RASAL1: variants seen among roughly 807,000 people sequenced by gnomAD.
RASAL1 encodes RAS protein activator like 1, also known as rasGAP-activating-like protein 1.
Under a neutral mutation model 96.6 loss-of-function variants are expected in RASAL1, and 72 were observed. The observed-to-expected ratio is 0.75, with a 90% CI of 0.62 to 0.91. The LOEUF is 0.91. Among genes scored for constraint, RASAL1 ranks in the 40% least tolerant of loss-of-function variants. The probability of loss-of-function intolerance (pLI) is 0.00; values close to 1 mark genes in which losing one functional copy is unlikely to be tolerated. For synonymous variants in RASAL1, 405 were observed against 430.4 expected (o/e 0.94, Z 0.73); for missense variants, 1,016 against 1,072.5 (o/e 0.95, Z 0.74).
At chr12:113,100,947 C>T (rs1950423142) in intron 19 of RASAL1, among the ~76,000 whole-genome samples, 1 of 152,194 alleles carries the variant, frequency 6.6e-6, no homozygotes, top group Non-Finnish European at 1.5e-5. Context: ...ATCACTGAGA[C>T]ACAGAGAGGT....
chr12:113,134,907 A>T (rs556714427), intron 1 of RASAL1, among the ~76,000 whole-genome samples: 34 of 139,604 alleles, frequency 2.4e-4, no homozygotes, highest in African/African-American at 4.5e-4. Context: ...ACCTGGTGAC[A>T]CTCTGCAAAC....
In RASAL1 at chr12:113,101,968, C is replaced by T. The variant is rs770259667; in HGVS notation, c.2146G>A (p.Asp716Asn). Reference protein sequence around the residue: ...SRTHSAVTLGDWSDPLDPDAE... With the variant: ...SRTHSAVTLGNWSDPLDPDAE... ...TCAGGATCCAGTGGGTCACTCCAGT[C>T]CCCCAGGGTGACAGCTGAGTGTGTA... Residue 716 changes from aspartate (D) to asparagine (N), a missense_variant, in exon 19 of 21, where the codon GAC (aspartate) becomes AAC (asparagine). Transcript: ENST00000548055. 1 of 1,614,120 alleles carries T rather than the reference C, an allele frequency of 6.2e-7. No homozygotes were observed. The highest frequency in any genetic ancestry group is 8.5e-7 in the Non-Finnish European group (1 of 1,180,010).
intron 5 of RASAL1, among the ~76,000 whole-genome samples, chr12:113,119,901 C>T (rs1182200706): frequency 6.6e-6 from 1 of 152,180 alleles, no homozygotes; most frequent in East Asian, 1.9e-4. Context: ...ACAGACCAAC[C>T]TCATAGAGCC....
At chr12:113,117,211 C>T (rs1011265900) in intron 7 of RASAL1, 50 bp from the exon 8 acceptor site, 1 of 1,412,126 alleles carries the variant, frequency 7.1e-7, no homozygotes, top group Non-Finnish European at 9.8e-7. Context: ...CCTGCCCTGC[C>T]CTGCCTGGCT....
In RASAL1 at chr12:113,104,153, G is replaced by A; in HGVS notation, c.1968+8C>T. The A allele has an allele frequency of 1.2e-6, 2 of 1,603,026 alleles. No homozygotes were observed. Among genetic ancestry groups the A allele is most frequent in the Non-Finnish European group, 1.7e-6 (2 of 1,171,780 alleles). ...CGCCCCCCGCTCCCCATCGCGGTGG[G>A]GTCTCACCTTGCACTGGAGGTAGGT... On this transcript the variant is annotated splice_region_variant and intron_variant, in intron 17 of 20. Transcript: ENST00000548055.
chr12:113,110,796 A>C (rs1270385755), intron 13 of RASAL1, among the ~76,000 whole-genome samples: 2 of 152,168 alleles, frequency 1.3e-5, no homozygotes, highest in African/African-American at 4.8e-5. Context: ...GCACCCCTCT[A>C]GTCCCAGCAA....
Position 113,107,160 on chromosome 12 carries a change from G to A in RASAL1, c.1594C>T (p.Leu532=). The A allele has an allele frequency of 6.2e-7, 1 of 1,613,876 alleles. No individual in the cohort carries two copies. Among genetic ancestry groups the A allele is most frequent in the Non-Finnish European group, 8.5e-7 (1 of 1,179,842 alleles). Residue 532 remains leucine, a synonymous_variant, in exon 15 of 21, where the codon CTG becomes TTG. Transcript: ENST00000548055. ...LWMAPLHPFL[L]QCVSRVRDFL... ...TCTCTCACACGTGAGACACACTGCA[G>A]CAGGAAGGGGTGCAGGGGGGCCATC...
intron 15 of RASAL1, 135 bp from the exon 16 acceptor site, chr12:113,106,021 G>A (rs934888965): frequency 1.3e-5 from 12 of 944,674 alleles, no homozygotes; most frequent in South Asian, 3.3e-5. Context: ...GAGGATGAGC[G>A]CGATGACTTC....
Position 113,117,028 on chromosome 12 carries a change from C to T in RASAL1, c.731+45G>A, listed in dbSNP as rs116592947. 4,065 of 1,452,670 alleles carry T rather than the reference C, an allele frequency of 2.8e-3. 77 individuals are homozygous for T. The African/African-American group carries it at 0.048, about 17-fold the overall frequency. The allele number at this position is 1,452,670 out of a possible 1,614,324, so 90.0% of individuals were successfully genotyped here. The stretch of plus-strand genomic sequence containing the variant: ...CTGCCCGCAAGCTGTGGATGCTGCC[C>T]GGCATGGCTCCAGCCTGGCCCCCTC... On this transcript the variant is annotated intron_variant, in intron 8 of 20. Coordinates refer to ENST00000548055, the MANE Select transcript of RASAL1 (RefSeq NM_001301202.2).
intron 1 of RASAL1, among the ~76,000 whole-genome samples, chr12:113,134,509 C>T (rs1276159308): frequency 6.6e-6 from 1 of 152,212 alleles, no homozygotes; most frequent in East Asian, 1.9e-4. Flanking sequence ...CGGTCCAGAG[C>T]TCTCATTGCC....
intron 12 of RASAL1, among the ~76,000 whole-genome samples, chr12:113,113,231 C>T (rs965453518): frequency 1.2e-4 from 19 of 152,192 alleles, no homozygotes; most frequent in African/African-American, 3.6e-4. Flanking sequence ...CTGGACCCAA[C>T]GTGCTGAGCC....
Position 113,112,113 on chromosome 12 carries a change from C to A in RASAL1, c.1347G>T (p.Glu449Asp). The change falls in exon 13 of 21, where the codon GAG (glutamate) becomes GAT (aspartate). Residue 449 changes from glutamate to aspartate, a missense_variant. By Grantham distance (45) the Glu-to-Asp change is conservative. Transcript: ENST00000548055. ...LAFKQLHRRV[E>D]ERFPQAEHQD... is the part of the protein sequence containing the mutation. ...GGTGCTCGGCCTGGGGGAAGCGCTC[C>A]TCCACTCGCCGGTGCAGCTGCTTGA... 8.0e-7 allele frequency: 1 copy of A among 1,246,178 alleles called. No individual in the cohort carries two copies. The highest frequency in any genetic ancestry group is 1.0e-6 in the Non-Finnish European group (1 of 990,292). The allele number at this position is 1,246,178 out of a possible 1,614,324, so 77.2% of individuals were successfully genotyped here. A position where few individuals can be genotyped will look rare whatever the true frequency, so the allele number is the denominator to read the frequency against.
In RASAL1 at chr12:113,135,500, C is replaced by T; in HGVS notation, c.-38G>A. The T allele has an allele frequency of 6.4e-7, 1 of 1,560,184 alleles. No individual in the cohort carries two copies. Among genetic ancestry groups the T allele is most frequent in the Non-Finnish European group, 8.7e-7 (1 of 1,147,792 alleles). On this transcript the variant is annotated 5_prime_UTR_variant, in exon 1 of 21. Transcript: ENST00000548055. The surrounding 1 kb of genome is among the most constrained non-coding windows in gnomAD (Gnocchi z 5.7). Reference sequence around the variant, plus strand: ...CAAACTTTCCAGGCAGAAGGGCGCTCAGGTTCCGAGGCTGGACCAGGGGAC... The same window carrying T: ...CAAACTTTCCAGGCAGAAGGGCGCTTAGGTTCCGAGGCTGGACCAGGGGAC...
In RASAL1 at chr12:113,100,009, G is replaced by C; in HGVS notation, c.2338C>G (p.Leu780Val). ...RAATARLLEV[L>V]ADLDRAHEEF... is the part of the protein sequence containing the mutation. ...TCGTGGGCACGATCCAGGTCTGCGA[G>C]CACCTCCAGCAGGCGGGCAGTTGCT... The change falls in exon 21 of 21, where the codon CTC becomes GTC. Residue 780 changes from leucine to valine, a missense_variant. Transcript: ENST00000548055. The C allele has an allele frequency of 6.2e-7, 1 of 1,613,704 alleles. No individual in the cohort carries two copies. Among genetic ancestry groups the C allele is most frequent in the Non-Finnish European group, 8.5e-7 (1 of 1,179,702 alleles).
At chr12:113,109,943 G>T (rs1208488876) in intron 13 of RASAL1, among the ~76,000 whole-genome samples, 2 of 152,190 alleles carry the variant, frequency 1.3e-5, no homozygotes, top group Non-Finnish European at 2.9e-5. Context: ...GGCTTCCCTG[G>T]GTTCCCCGGG....
intron 18 of RASAL1, among the ~76,000 whole-genome samples, chr12:113,103,594 A>C (rs1950538339): frequency 6.6e-6 from 1 of 151,302 alleles, no homozygotes; most frequent in African/African-American, 2.4e-5. Flanking sequence ...CAATAGAGTG[A>C]GACTCTGTCT....
At position 113,107,254 on chromosome 12, in the gene RASAL1, A is replaced by C; in HGVS notation, c.1513-13T>G. ...TGCTCTGCACAGCCTGGAGCAAAGA[A>C]GCGAGGGATGCCGGGGCCAAGGTCA... On this transcript the variant is annotated splice_polypyrimidine_tract_variant and intron_variant, in intron 14 of 20. Transcript: ENST00000548055. 6.3e-7 allele frequency: 1 copy of C among 1,581,624 alleles called. No individual in the cohort carries two copies. Among genetic ancestry groups the C allele is most frequent in the Non-Finnish European group, 8.6e-7 (1 of 1,162,626 alleles).
chr12:113,122,469 G>A (rs1481229183), intron 4 of RASAL1, among the ~76,000 whole-genome samples: 1 of 152,108 alleles, frequency 6.6e-6, no homozygotes, highest in Non-Finnish European at 1.5e-5. Flanking sequence ...GACTACAGAT[G>A]TATACCACCA....
chr12:113,115,796 G>T lies in RASAL1; in HGVS notation c.850-8C>A, dbSNP rs1418214841. 1 of 1,613,856 alleles carries T rather than the reference G, an allele frequency of 6.2e-7. No homozygotes were observed. ...GGGGCTAGCAGTGTCCTCCTGGGTG[G>T]GGGCGGGAGACAAAGATGACCTCGG... On this transcript the variant is annotated splice_polypyrimidine_tract_variant and splice_region_variant and intron_variant, in intron 9 of 20. Transcript: ENST00000548055. The surrounding 1 kb of genome is among the most constrained non-coding windows in gnomAD (Gnocchi z 4.1).
Sources: gnomAD v4.1 joint callset for allele counts (sites outside exome capture counted in the v4.1 genomes callset) on GRCh38, gnomAD v4.1.1 for gene constraint, Gnocchi (gnomAD v3.1) non-coding constraint, MANE v1.5 for transcripts, NCBI Gene and HGNC (gene_info 2026-07-23, HGNC 2026-07-21) for gene names.